The following NKAIN2 variants were observed in gnomAD, a reference collection of about 807,000 sequenced individuals.
The protein encoded by NKAIN2 is sodium/potassium transporting ATPase interacting 2, also known as sodium/potassium-transporting ATPase subunit beta-1-interacting protein 2.
A neutral mutation model predicts 32.6 loss-of-function variants in NKAIN2; 14 were observed. The observed-to-expected ratio is 0.43, with a 90% confidence interval of 0.28 to 0.67. The LOEUF is 0.67. Among genes scored for constraint, NKAIN2 ranks in the 30% least tolerant of loss-of-function variants. NKAIN2 has a pLI of 0.17. For missense variants in NKAIN2, 198 were observed against 258.3 expected (o/e 0.77, Z 1.60); for synonymous variants, 80 against 87.2 (o/e 0.92, Z 0.46).
intron 3 of NKAIN2, among the ~76,000 whole-genome samples, chr6:124,356,787 A>C (rs574796918): frequency 2.0e-5 from 3 of 152,224 alleles, no homozygotes; most frequent in Admixed American, 1.3e-4. Flanking sequence ...CTGCTACTCT[A>C]TAATCCACTT....
At chr6:123,822,122 G>A (rs774235879) in intron 1 of NKAIN2, among the ~76,000 whole-genome samples, 18 of 151,782 alleles carry the variant, frequency 1.2e-4, no homozygotes, top group Non-Finnish European at 2.2e-4. Flanking sequence ...TTTGAACTTT[G>A]TTGTCACGTT....
intron 3 of NKAIN2, among the ~76,000 whole-genome samples, chr6:124,430,791 A>G (rs1271415264): frequency 5.9e-5 from 9 of 152,160 alleles, no homozygotes; most frequent in Admixed American, 5.9e-4. Flanking sequence ...AGGAGGTGAC[A>G]TATACTCCAC....
intron 1 of NKAIN2, among the ~76,000 whole-genome samples, chr6:124,125,247 C>T (rs764470511): frequency 6.6e-6 from 1 of 152,090 alleles, no homozygotes; most frequent in Non-Finnish European, 1.5e-5. Context: ...CTCTTTCTGT[C>T]TCTGGGGGCT....
chr6:124,662,623 T>A (rs1784789416), intron 4 of NKAIN2, among the ~76,000 whole-genome samples: 2 of 152,192 alleles, frequency 1.3e-5, no homozygotes, highest in African/African-American at 4.8e-5. Context: ...TTGTTAATAA[T>A]TTATGTTTGC....
At chr6:123,977,378 T>C (rs1256930047) in intron 1 of NKAIN2, among the ~76,000 whole-genome samples, 1 of 152,120 alleles carries the variant, frequency 6.6e-6, no homozygotes, top group East Asian at 1.9e-4. Context: ...GCTGCTGCAC[T>C]CCAGCCTGAG....
chr6:124,583,644 CAT>C (rs1211880241), intron 3 of NKAIN2, among the ~76,000 whole-genome samples: 1 of 152,112 alleles, frequency 6.6e-6, no homozygotes, highest in African/African-American at 2.4e-5. Flanking sequence ...CATCAGCAGA[CAT>C]ATGGTATATG....
intron 1 of NKAIN2, among the ~76,000 whole-genome samples, chr6:124,057,863 G>A (rs1582552025): frequency 6.6e-6 from 1 of 152,052 alleles, no homozygotes; most frequent in East Asian, 1.9e-4. Flanking sequence ...TGCACTAGGA[G>A]TATAGAGTAT....
At chr6:123,835,093 A>G (rs1225325583) in intron 1 of NKAIN2, among the ~76,000 whole-genome samples, 1 of 152,206 alleles carries the variant, frequency 6.6e-6, no homozygotes, top group Non-Finnish European at 1.5e-5. Context: ...AATGAGAAGT[A>G]TTCTCTGCTT....
Position 124,004,603 on chromosome 6 carries a change from T to A in NKAIN2, c.54+200349T>A, listed in dbSNP as rs144443404. On this transcript the variant is annotated intron_variant, in intron 1 of 6. Transcript: ENST00000368417. ...TCCAACCATCATTCTCAGCAAACTA[T>A]CACAAAGACAGAAAACCAAACACTG... 4.4e-4 allele frequency among the ~76,000 whole-genome samples: 67 copies of A among 151,904 alleles called. No homozygotes were observed. The East Asian group carries it at 9.8e-3, about 22-fold the overall frequency.
At chr6:124,580,431 G>C (rs1583469361) in intron 3 of NKAIN2, among the ~76,000 whole-genome samples, 1 of 152,034 alleles carries the variant, frequency 6.6e-6, no homozygotes, top group Admixed American at 6.5e-5. Context: ...TCAATATTAA[G>C]TTGTCACCAG....
At position 124,546,853 on chromosome 6, in the gene NKAIN2, G is replaced by C. The variant is rs1462038397; in HGVS notation, c.274-111333G>C. Among the ~76,000 whole-genome samples, 13 of 152,238 alleles carry C rather than the reference G, an allele frequency of 8.5e-5. No homozygotes were observed. In the East Asian group the frequency reaches 2.3e-3, roughly 27 times the overall value. On this transcript the variant is annotated intron_variant, in intron 3 of 6. Transcript: ENST00000368417. ...AGTGAATAGGAGAAGAACATCTCAG[G>C]CAGAGAGATAAACAGAGAGAAAGCA...
chr6:124,559,593 T>G (rs1218288801), intron 3 of NKAIN2, among the ~76,000 whole-genome samples: 1 of 152,148 alleles, frequency 6.6e-6, no homozygotes, highest in African/African-American at 2.4e-5. Flanking sequence ...CAGAGTTAAG[T>G]TGGGCAATGT....
chr6:124,216,712 G>A (rs150473273), intron 1 of NKAIN2, among the ~76,000 whole-genome samples: 1,590 of 152,230 alleles, frequency 0.01, 20 homozygotes, highest in African/African-American at 0.034. Flanking sequence ...TTATTGCACC[G>A]GTTGGCCATG....
chr6:124,693,110 G>A (rs1774337365), intron 4 of NKAIN2, among the ~76,000 whole-genome samples: 1 of 152,126 alleles, frequency 6.6e-6, no homozygotes, highest in Non-Finnish European at 1.5e-5. Context: ...AGGGTCGTTT[G>A]TATAGAATTC....
At chr6:124,298,741 G>T (rs928837381) in intron 2 of NKAIN2, among the ~76,000 whole-genome samples, 23 of 150,288 alleles carry the variant, frequency 1.5e-4, no homozygotes, top group Non-Finnish European at 3.0e-5. Context: ...AATTGGTAAT[G>T]CTTGGAAGGA....
chr6:124,461,506 T>G (rs1776530117), intron 3 of NKAIN2, among the ~76,000 whole-genome samples: 1 of 151,758 alleles, frequency 6.6e-6, no homozygotes, highest in South Asian at 2.1e-4. Context: ...TTAGAAAATT[T>G]CTCTTTTTTA....
chr6:124,011,976 C>A (rs1011016058), intron 1 of NKAIN2, among the ~76,000 whole-genome samples: 33 of 152,268 alleles, frequency 2.2e-4, no homozygotes, highest in African/African-American at 7.9e-4. Context: ...AATCTGAGGT[C>A]TTGTTTACCT....
At chr6:124,294,156 G>A (rs959695138) in intron 2 of NKAIN2, among the ~76,000 whole-genome samples, 2 of 152,130 alleles carry the variant, frequency 1.3e-5, no homozygotes, top group African/African-American at 4.8e-5. Flanking sequence ...ACCCAGTTCT[G>A]TGTCATAAAT....
At chr6:124,256,447 C>G (rs1446834248) in intron 1 of NKAIN2, among the ~76,000 whole-genome samples, 1 of 152,074 alleles carries the variant, frequency 6.6e-6, no homozygotes, top group Non-Finnish European at 1.5e-5. Flanking sequence ...ACCCAGGAAA[C>G]AGATGTAAAC....
Sources: allele counts gnomAD v4.1 joint callset (sites outside exome capture counted in the v4.1 genomes callset), GRCh38; gene constraint gnomAD v4.1.1; transcripts MANE v1.5; gene names NCBI Gene and HGNC (gene_info 2026-07-23, HGNC 2026-07-21).